The following PATJ variants were observed in gnomAD, a reference collection of about 807,000 sequenced individuals.
The protein encoded by PATJ is inaD-like protein.
PATJ carries 190 observed loss-of-function variants against 224.9 expected under a neutral mutation model. The observed-to-expected ratio is 0.84, with a 90% CI of 0.75 to 0.95. The LOEUF (loss-of-function observed/expected upper bound fraction) is 0.95, where lower values mean the gene tolerates loss of function less well. Among genes scored for constraint, PATJ ranks in the 40% least tolerant of loss-of-function variants. The pLI is 0.00. For missense variants in PATJ, 2,121 were observed against 2,270.3 expected, an observed-to-expected ratio of 0.93 and a Z score of 1.34; for synonymous variants, 769 against 820.3, an observed-to-expected ratio of 0.94 and a Z score of 1.07.
intron 32 of PATJ, among the ~76,000 whole-genome samples, chr1:62,082,305 C>T (rs560168333): frequency 3.5e-4 from 54 of 152,338 alleles, no homozygotes; most frequent in African/African-American, 1.3e-3. Flanking sequence ...ATGTGCCAGA[C>T]TCTGGGCCGG....
chr1:62,042,319 A>C (rs529676896), intron 30 of PATJ, among the ~76,000 whole-genome samples: 1 of 152,278 alleles, frequency 6.6e-6, no homozygotes, highest in African/African-American at 2.4e-5. Flanking sequence ...ACTGCTACCA[A>C]ATGATGAATG....
Position 62,108,462 on chromosome 1 carries a change from A to T in PATJ, c.4403A>T (p.Tyr1468Phe), listed in dbSNP as rs369083961. The T allele has an allele frequency of 4.3e-6, 7 of 1,609,584 alleles. No homozygotes were observed. The African/African-American group carries it at 9.4e-5, about 22-fold the overall frequency. The change falls in exon 34 of 44, where the codon TAT (tyrosine) becomes TTT (phenylalanine). Residue 1468 changes from tyrosine (Y) to phenylalanine (F), a missense_variant. Transcript: ENST00000642238. Reference sequence around the variant, plus strand: ...AATGCTATAGTTATCCATGAAGTCTATGAAGAAGGGGCAGCAGCCAGAGAT... The same window carrying T: ...AATGCTATAGTTATCCATGAAGTCTTTGAAGAAGGGGCAGCAGCCAGAGAT... ...PLNAIVIHEV[Y>F]EEGAAARDGR... is the part of the protein sequence containing the mutation.
At chr1:61,751,873 T>G (rs1235888024) in intron 1 of PATJ, among the ~76,000 whole-genome samples, 1 of 151,902 alleles carries the variant, frequency 6.6e-6, no homozygotes. Context: ...GCGTGGTGGC[T>G]CATGCCTGTA....
chr1:61,867,112 G>T (rs1052514412), intron 20 of PATJ, among the ~76,000 whole-genome samples: 5 of 152,010 alleles, frequency 3.3e-5, no homozygotes, highest in African/African-American at 9.7e-5. Flanking sequence ...TGCCAACATC[G>T]TGTCTCATCC....
Position 61,771,426 on chromosome 1 carries a change from T to G in PATJ, c.525-5T>G. 1 of 1,570,742 alleles carries G rather than the reference T, an allele frequency of 6.4e-7. No homozygotes were observed. On this transcript the variant is annotated splice_polypyrimidine_tract_variant and splice_region_variant and intron_variant, in intron 5 of 43. Transcript: ENST00000642238. ...TTAAAAAATTTCTTTTCTTACATGATTAAGGGATCAAAGATTAAAGGAAAA... is the reference window on the plus strand; with the variant it reads ...TTAAAAAATTTCTTTTCTTACATGAGTAAGGGATCAAAGATTAAAGGAAAA...
At chr1:61,952,161 G>C (rs1679781765) in intron 27 of PATJ, 1 of 475,190 alleles carries the variant, frequency 2.1e-6, no homozygotes, top group Admixed American at 3.4e-5. Context: ...AGAGGTGACT[G>C]TTTAGCTTGA....
At chr1:62,058,330 T>C (rs17123029) in intron 31 of PATJ, among the ~76,000 whole-genome samples, 1,713 of 152,342 alleles carry the variant, frequency 0.011, 39 homozygotes, top group African/African-American at 0.039. Context: ...ACCAACATTT[T>C]AGAAGCATTC....
chr1:62,038,956 C>A, intron 30 of PATJ: 1 of 1,357,666 alleles, frequency 7.4e-7, no homozygotes, highest in Non-Finnish European at 1.1e-6. Flanking sequence ...GTCAGATGAG[C>A]ATGCTGGAGT....
chr1:62,075,873 G>A lies in PATJ; in HGVS notation c.4126-3577G>A, dbSNP rs957009756. ...GCAGAGCTTGCAGTGACCAGAGATCGCGCCACTGCACTCCAGCCTGGGCAA... is the reference window on the plus strand; with the variant it reads ...GCAGAGCTTGCAGTGACCAGAGATCACGCCACTGCACTCCAGCCTGGGCAA... On this transcript the variant is annotated intron_variant, in intron 31 of 43. Coordinates refer to ENST00000642238, the MANE Select transcript of PATJ (RefSeq NM_001350145.3). Among the ~76,000 whole-genome samples, 16 of 150,566 alleles carry A rather than the reference G, an allele frequency of 1.1e-4. No homozygotes were observed. In the East Asian group the frequency reaches 1.6e-3, roughly 15 times the overall value.
Position 62,022,886 on chromosome 1 carries a change from G to A in PATJ, c.3959+4939G>A, listed in dbSNP as rs563454584. Among the ~76,000 whole-genome samples the A allele has an allele frequency of 7.9e-5, 12 of 152,238 alleles. No individual in the cohort carries two copies. The South Asian group carries it at 2.3e-3, about 29-fold the overall frequency. ...TGTAATTAAAAATATAGTGTGGCTC[G>A]TTATCCTCTGGCCATATCCCTGAAA... is the stretch of plus-strand genomic sequence containing the variant. On this transcript the variant is annotated intron_variant, in intron 29 of 43. Transcript: ENST00000642238.
At chr1:62,107,999 G>A (rs931505176) in intron 33 of PATJ, among the ~76,000 whole-genome samples, 2 of 152,156 alleles carry the variant, frequency 1.3e-5, no homozygotes, top group African/African-American at 4.8e-5. Context: ...ATTCCACTAA[G>A]TTCTTTTCTT....
At chr1:61,781,058 A>G (rs1216166301) in intron 7 of PATJ, among the ~76,000 whole-genome samples, 1 of 152,198 alleles carries the variant, frequency 6.6e-6, no homozygotes, top group Non-Finnish European at 1.5e-5. Context: ...TTCCCAAATT[A>G]TAGATATGGA....
chr1:61,946,878 T>C (rs1278215569), intron 27 of PATJ, among the ~76,000 whole-genome samples: 1 of 152,198 alleles, frequency 6.6e-6, no homozygotes, highest in Non-Finnish European at 1.5e-5. Flanking sequence ...CACAATCAAG[T>C]TGGCCTCATC....
At chr1:62,067,623 G>A (rs944475811) in intron 31 of PATJ, among the ~76,000 whole-genome samples, 3 of 152,166 alleles carry the variant, frequency 2.0e-5, no homozygotes, top group African/African-American at 4.8e-5. Flanking sequence ...CAAGAAGCTA[G>A]ATCAAGTCAA....
At chr1:62,041,648 T>G (rs1405484497) in intron 30 of PATJ, among the ~76,000 whole-genome samples, 1 of 152,212 alleles carries the variant, frequency 6.6e-6, no homozygotes, top group African/African-American at 2.4e-5. Flanking sequence ...TTTCAAAGAA[T>G]AGCTGTTCTG....
intron 8 of PATJ, among the ~76,000 whole-genome samples, chr1:61,790,268 A>G (rs962440957): frequency 6.6e-6 from 1 of 151,374 alleles, no homozygotes; most frequent in Non-Finnish European, 1.5e-5. Flanking sequence ...ATATTTTTAT[A>G]TTACTGAACA....
At chr1:61,911,629 G>A (rs1373164112) in intron 25 of PATJ, among the ~76,000 whole-genome samples, 2 of 150,946 alleles carry the variant, frequency 1.3e-5, no homozygotes, top group East Asian at 3.9e-4. Flanking sequence ...AAGTTTTTCT[G>A]TAAGGTAATT....
intron 22 of PATJ, among the ~76,000 whole-genome samples, chr1:61,894,777 G>T (rs184491609): frequency 6.6e-6 from 1 of 152,198 alleles, no homozygotes; most frequent in African/African-American, 2.4e-5. Flanking sequence ...ATGTAGAAGC[G>T]ACTTTGGAAC....
intron 41 of PATJ, among the ~76,000 whole-genome samples, chr1:62,143,317 G>A (rs529045976): frequency 6.6e-6 from 1 of 151,936 alleles, no homozygotes; most frequent in African/African-American, 2.4e-5. Flanking sequence ...GAAGAAAAGT[G>A]AATTGAAGGA....
Sources: gnomAD v4.1 joint callset for allele counts (sites outside exome capture counted in the v4.1 genomes callset) on GRCh38, gnomAD v4.1.1 for gene constraint, MANE v1.5 for transcripts, NCBI Gene and HGNC (gene_info 2026-07-23, HGNC 2026-07-21) for gene names.